RFC1: variants seen among roughly 807,000 people sequenced by gnomAD.
RFC1 encodes the protein A1 140 kDa subunit.
A neutral mutation model predicts 137.4 loss-of-function variants in RFC1; 37 were observed. The observed-to-expected ratio is 0.27, with a 90% confidence interval of 0.21 to 0.35. RFC1 has a LOEUF of 0.35. Among genes scored for constraint, RFC1 ranks in the 10% least tolerant of loss-of-function variants. The probability of loss-of-function intolerance (pLI) is 1.00; values close to 1 mark genes in which losing one functional copy is unlikely to be tolerated. For missense variants in RFC1, 1,205 were observed against 1,358.5 expected (o/e 0.89, Z 1.78); for synonymous variants, 429 against 455.7 (o/e 0.94, Z 0.75).
chr4:39,362,702 T>G (rs1401880110), intron 1 of RFC1, among the ~76,000 whole-genome samples: 7 of 152,164 alleles, frequency 4.6e-5, no homozygotes, highest in Non-Finnish European at 8.8e-5. Flanking sequence ...GCATAAATCT[T>G]CATGACCTTG....
rs1222450872 is a variant in RFC1 at position 39,308,665 on chromosome 4, T to C, written c.1856A>G (p.Gln619Arg). Reference sequence around the variant, plus strand: ...TTTTTTATCTTCGGAAGAACTCTTTTGCCAGTTTCGGAGCCAGCGTAGGAG... The same window carrying C: ...TTTTTTATCTTCGGAAGAACTCTTTCGCCAGTTTCGGAGCCAGCGTAGGAG... Reference protein sequence around the residue: ...NKLLRWLRNWQKSSSEDKKHA... With the variant: ...NKLLRWLRNWRKSSSEDKKHA... The change falls in exon 13 of 25, where the codon CAA (glutamine) becomes CGA (arginine). Residue 619 changes from glutamine to arginine, a missense_variant. Gln to Arg is a conservative substitution (Grantham distance 43). Transcript: ENST00000349703. The C allele has an allele frequency of 2.5e-6, 4 of 1,611,736 alleles. No individual in the cohort carries two copies. The South Asian group carries it at 4.4e-5, about 18-fold the overall frequency.
intron 4 of RFC1, 126 bp downstream of exon 4, chr4:39,342,219 T>C: frequency 9.1e-7 from 1 of 1,103,124 alleles, no homozygotes; most frequent in Non-Finnish European, 1.2e-6. Flanking sequence ...CCCTGACAAA[T>C]ATAACTCAAC....
At chr4:39,336,377 A>T (rs1204967221) in intron 4 of RFC1, among the ~76,000 whole-genome samples, 1 of 152,248 alleles carries the variant, frequency 6.6e-6, no homozygotes, top group Non-Finnish European at 1.5e-5. Context: ...ATACAGTAAC[A>T]TCATGAACTG....
chr4:39,331,022 T>C lies in RFC1; in HGVS notation c.332-3266A>G, dbSNP rs149666340. Among the ~76,000 whole-genome samples the C allele has an allele frequency of 3.5e-3, 531 of 152,258 alleles. 7 individuals carry two copies. The Middle Eastern group carries it at 0.065, about 19-fold the overall frequency. On this transcript the variant is annotated intron_variant, in intron 4 of 24. Coordinates refer to ENST00000349703, the MANE Select transcript of RFC1 (RefSeq NM_002913.5). ...AAGGCTAGGTAACATCACCATTCCA[T>C]TTATAACAGCCACGTGGATCACCCA...
At chr4:39,362,560 G>T (rs1477841805) in intron 1 of RFC1, among the ~76,000 whole-genome samples, 1 of 152,102 alleles carries the variant, frequency 6.6e-6, no homozygotes, top group Non-Finnish European at 1.5e-5. Context: ...TTCAAAAAAT[G>T]GTTCTGGGAC....
At chr4:39,293,713 G>T (rs17288729) in intron 22 of RFC1, among the ~76,000 whole-genome samples, 186 of 152,154 alleles carry the variant, frequency 1.2e-3, no homozygotes, top group Middle Eastern at 3.4e-3. Context: ...GAGGGAAGAG[G>T]ACAGTGAAGA....
Position 39,302,804 on chromosome 4 carries a change from T to C in RFC1, c.2273A>G (p.Lys758Arg). 2 of 1,604,924 alleles carry C rather than the reference T, an allele frequency of 1.2e-6. No homozygotes were observed. Among genetic ancestry groups the C allele is most frequent in the Non-Finnish European group, 8.5e-7 (1 of 1,176,664 alleles). The change falls in exon 17 of 25, where the codon AAG becomes AGG. Residue 758 changes from lysine to arginine, a missense_variant. This residue lies in a region of RFC1 where 962 missense variants were observed against 1,035.3 expected (regional missense o/e 0.93). Transcript: ENST00000349703. The part of the protein sequence containing the change: ...ICMCNDRNHP[K>R]IRSLVHYCFD... The stretch of plus-strand genomic sequence containing the variant: ...ACAATAATGAACCAGAGAGCGAATC[T>C]TGGGATGATTTCTATCATTGCACAT...
intron 1 of RFC1, among the ~76,000 whole-genome samples, chr4:39,357,802 AG>A (rs1338296835): frequency 1.3e-5 from 2 of 151,826 alleles, no homozygotes; most frequent in African/African-American, 4.8e-5. Flanking sequence ...TATTTTTAGT[AG>A]GGACAGGGTT....
At position 39,312,840 on chromosome 4, in the gene RFC1, C is replaced by A. The variant is rs368877527; in HGVS notation, c.1295G>T (p.Arg432Leu). The A allele has an allele frequency of 3.1e-6, 5 of 1,613,966 alleles. No homozygotes were observed. Among genetic ancestry groups the A allele is most frequent in the Non-Finnish European group, 4.2e-6 (5 of 1,180,016 alleles). The change falls in exon 11 of 25, where the codon CGT becomes CTT. Residue 432 changes from arginine (R) to leucine (L), a missense_variant. Transcript: ENST00000349703. ...ATTTCCTGTTACTTTTCCCCCATAA[C>A]GTTCAATTAGAGACTTGGCCTCATC... ...ERDEAKSLIE[R>L]YGGKVTGNVS...
chr4:39,305,786 A>C (rs1459360079), intron 14 of RFC1, among the ~76,000 whole-genome samples: 1 of 152,212 alleles, frequency 6.6e-6, no homozygotes, highest in East Asian at 1.9e-4. Flanking sequence ...ATTCATAAAA[A>C]ATATAATGAT....
chr4:39,302,912 A>G, intron 16 of RFC1, 38 bp from the exon 17 acceptor site: 1 of 1,554,902 alleles, frequency 6.4e-7, no homozygotes. Context: ...TAATTATTTT[A>G]AAAATGACAA....
rs1279357437 is a variant in RFC1, at chr4:39,287,737, TAC to T, written c.*1022_*1023del. The stretch of plus-strand genomic sequence containing the variant: ...CATAGCCTCACGGCCACTCAACACA[TAC>T]AGTTATAGGAATAACCCAAACTTCC... On this transcript the variant is annotated 3_prime_UTR_variant, in exon 25 of 25. Transcript: ENST00000349703. 6.6e-6 allele frequency: 1 copy of T among 152,126 alleles called. No homozygotes were observed. Among genetic ancestry groups the T allele is most frequent in the Non-Finnish European group, 1.5e-5 (1 of 68,032 alleles). The allele number at this position is 152,126 out of a possible 1,614,324, so 9.4% of individuals were successfully genotyped here. A position where few individuals can be genotyped will look rare whatever the true frequency, so the allele number is the denominator to read the frequency against.
In RFC1 at chr4:39,308,830, C is replaced by T. The variant is rs774851700; in HGVS notation, c.1691G>A (p.Ser564Asn). 1.2e-6 allele frequency: 2 copies of T among 1,614,176 alleles called. No individual in the cohort carries two copies. Among genetic ancestry groups the T allele is most frequent in the Non-Finnish European group, 1.7e-6 (2 of 1,180,032 alleles). The part of the protein sequence containing the change: ...DFKEQVAEET[S>N]GDSKARNLAD... ...CAAATTCCTAGCCTTGCTGTCACCA[C>T]TTGTCTCCTCAGCCACCTGCTCCTT... The change falls in exon 13 of 25, where the codon AGT becomes AAT. Residue 564 changes from serine to asparagine, a missense_variant. Physicochemically the swap from Ser to Asn is conservative, Grantham distance 46 (BLOSUM62 1). Coordinates refer to ENST00000349703, the MANE Select transcript of RFC1 (RefSeq NM_002913.5).
At chr4:39,336,530 C>A (rs1330222354) in intron 4 of RFC1, among the ~76,000 whole-genome samples, 2 of 152,236 alleles carry the variant, frequency 1.3e-5, no homozygotes, top group Non-Finnish European at 2.9e-5. Context: ...CTTAAAGTAT[C>A]CACCAAATTC....
intron 12 of RFC1, among the ~76,000 whole-genome samples, chr4:39,309,515 C>T (rs17335160): frequency 6.6e-6 from 1 of 152,232 alleles, no homozygotes; most frequent in Non-Finnish European, 1.5e-5. Context: ...AGCACTGATA[C>T]ATGCTACAAC....
rs552518637 is a variant in RFC1, at chr4:39,338,088, G to A, written c.331+4257C>T. The stretch of plus-strand genomic sequence containing the variant: ...AGCTAAAAGTAAATATATTTACCCA[G>A]TACAACAAGTATTTGGGTTTTTACC... On this transcript the variant is annotated intron_variant, in intron 4 of 24. Coordinates refer to ENST00000349703, the MANE Select transcript of RFC1 (RefSeq NM_002913.5). Among the ~76,000 whole-genome samples, 5 of 152,296 alleles carry A rather than the reference G, an allele frequency of 3.3e-5. No homozygotes were observed. In the East Asian group the frequency reaches 9.6e-4, roughly 29 times the overall value.
At chr4:39,339,175 T>C (rs1740496564) in intron 4 of RFC1, among the ~76,000 whole-genome samples, 2 of 152,300 alleles carry the variant, frequency 1.3e-5, no homozygotes, top group South Asian at 4.1e-4. Flanking sequence ...TTTCCATATC[T>C]TGGCTATTGT....
intron 23 of RFC1, among the ~76,000 whole-genome samples, chr4:39,291,422 A>C (rs1737667874): frequency 6.6e-6 from 1 of 152,242 alleles, no homozygotes; most frequent in African/African-American, 2.4e-5. Context: ...CTGAGCATAA[A>C]GCAAAGATAA....
intron 19 of RFC1, among the ~76,000 whole-genome samples, chr4:39,301,753 C>T (rs1349526239): frequency 2.6e-5 from 4 of 152,014 alleles, no homozygotes; most frequent in Non-Finnish European, 5.9e-5. Context: ...CAAGACCAGT[C>T]GGGGAAACAT....
Sources: allele counts gnomAD v4.1 joint callset (sites outside exome capture counted in the v4.1 genomes callset), GRCh38; gene constraint gnomAD v4.1.1; regional missense constraint gnomAD v4.1.1; transcripts MANE v1.5; gene names NCBI Gene and HGNC (gene_info 2026-07-23, HGNC 2026-07-21).